Variants in ZBTB44 observed in about 807,000 individuals in gnomAD.
ZBTB44 encodes the protein zinc finger and BTB domain containing 44.
In ZBTB44, 15 loss-of-function variants were observed where a neutral mutation model predicts 54.0. That is an observed-to-expected ratio of 0.28 (90% CI 0.19 to 0.43). ZBTB44 has a LOEUF of 0.43. Among genes scored for constraint, ZBTB44 ranks in the 20% least tolerant of loss-of-function variants. The probability of loss-of-function intolerance (pLI) is 1.00; values close to 1 mark genes in which losing one functional copy is unlikely to be tolerated. For missense variants in ZBTB44, 487 were observed against 707.1 expected (o/e 0.69, Z 3.53); for synonymous variants, 230 against 250.1 (o/e 0.92, Z 0.76).
intron 1 of ZBTB44, among the ~76,000 whole-genome samples, chr11:130,307,138 C>T (rs1000265004): frequency 3.0e-4 from 46 of 151,538 alleles, no homozygotes; most frequent in African/African-American, 9.7e-4. Context: ...TAACATTCTA[C>T]TGTAGCCCGG....
intron 1 of ZBTB44, among the ~76,000 whole-genome samples, chr11:130,293,924 G>C (rs1020661311): frequency 2.0e-5 from 3 of 152,174 alleles, no homozygotes; most frequent in African/African-American, 7.2e-5. Flanking sequence ...AAGTAATGGA[G>C]AGTTATCAAT....
rs138333160 is a variant in ZBTB44, at chr11:130,297,902, A to G, written c.-57+16473T>C. ...GTCACAGATTGTCAGAAGAGATAAA[A>G]GCATTCTCAAATATATGTTTTTTAT... On this transcript the variant is annotated intron_variant, in intron 1 of 7. Transcript: ENST00000357899. 1.3e-3 allele frequency among the ~76,000 whole-genome samples: 200 copies of G among 152,352 alleles called. 1 individual carries two copies. The highest frequency in any genetic ancestry group is 4.6e-3 in the African/African-American group (191 of 41,586).
At chr11:130,295,693 T>C in intron 1 of ZBTB44, 2 of 1,501,538 alleles carry the variant, frequency 1.3e-6, no homozygotes, top group Non-Finnish European at 9.2e-7. Flanking sequence ...AGACCACTTC[T>C]GGAAGGCAGG....
At chr11:130,279,212 T>C (rs1940331056) in intron 1 of ZBTB44, among the ~76,000 whole-genome samples, 1 of 151,866 alleles carries the variant, frequency 6.6e-6, no homozygotes, top group Non-Finnish European at 1.5e-5. Context: ...GAGAGGTACA[T>C]TTTTGGGTAC....
chr11:130,236,171 C>T, intron 5 of ZBTB44: 1 of 1,286,968 alleles, frequency 7.8e-7, no homozygotes, highest in Non-Finnish European at 1.0e-6. Context: ...TAATCAACAG[C>T]AGTTAGTGGC....
intron 2 of ZBTB44, among the ~76,000 whole-genome samples, chr11:130,257,238 TAAAAAAAAAA>T (rs572669481): frequency 9.1e-6 from 1 of 109,342 alleles, no homozygotes; most frequent in Non-Finnish European, 2.0e-5. Flanking sequence ...TCCCAGATCT[TAAAAAAAAAA>T]AAAAAAAAAA....
chr11:130,232,049 CAAGTT>C (rs1243113839), intron 7 of ZBTB44: 1 of 152,136 alleles, frequency 6.6e-6, no homozygotes, highest in African/African-American at 2.4e-5. Context: ...GAGTTGAAAA[CAAGTT>C]AAGGACTGCA....
At chr11:130,280,681 A>C (rs1940435587) in intron 1 of ZBTB44, among the ~76,000 whole-genome samples, 1 of 152,226 alleles carries the variant, frequency 6.6e-6, no homozygotes, top group Non-Finnish European at 1.5e-5. Context: ...CAACACAAAA[A>C]TTGGTAACAG....
At chr11:130,310,265 G>T (rs1490500569) in intron 1 of ZBTB44, 4 of 152,274 alleles carry the variant, frequency 2.6e-5, no homozygotes, top group African/African-American at 9.7e-5. Flanking sequence ...GTTCTGGACT[G>T]TAGTATCCTA....
chr11:130,288,626 G>A (rs1262371365), intron 1 of ZBTB44, among the ~76,000 whole-genome samples: 5 of 151,430 alleles, frequency 3.3e-5, no homozygotes, highest in East Asian at 3.9e-4. Context: ...GGCCTGGTGC[G>A]GTGGCTCATG....
chr11:130,310,259 T>C (rs1942511630), intron 1 of ZBTB44: 1 of 152,300 alleles, frequency 6.6e-6, no homozygotes, highest in East Asian at 1.9e-4. Flanking sequence ...CCAGAAGTTC[T>C]GGACTGTAGT....
intron 2 of ZBTB44, among the ~76,000 whole-genome samples, chr11:130,240,938 C>T (rs1054260192): frequency 6.6e-6 from 1 of 152,118 alleles, no homozygotes; most frequent in Non-Finnish European, 1.5e-5. Context: ...GGAAAGTTTG[C>T]CAAGGCTTGC....
rs117647939 is a variant in ZBTB44 at position 130,280,244 on chromosome 11, C to T, written c.-56-18315G>A. Among the ~76,000 whole-genome samples, 316 of 151,892 alleles carry T rather than the reference C, an allele frequency of 2.1e-3. 9 individuals are homozygous for T. In the East Asian group the frequency reaches 0.048, roughly 23 times the overall value. ...CAACAATGAAAACACAGAGACAGCA[C>T]GAGGAGAAAAAAGAGAAAAACCATG... On this transcript the variant is annotated intron_variant, in intron 1 of 7. Transcript: ENST00000357899.
At chr11:130,251,044 T>C (rs1937955906) in intron 2 of ZBTB44, among the ~76,000 whole-genome samples, 2 of 152,146 alleles carry the variant, frequency 1.3e-5, no homozygotes, top group Admixed American at 6.5e-5. Flanking sequence ...GCTAAGAACC[T>C]TGACAAAAGG....
chr11:130,295,690 T>C, intron 1 of ZBTB44: 1 of 1,494,042 alleles, frequency 6.7e-7, no homozygotes, highest in Non-Finnish European at 9.3e-7. Context: ...ATCAGACCAC[T>C]TCTGGAAGGC....
At chr11:130,307,633 C>T (rs573631680) in intron 1 of ZBTB44, among the ~76,000 whole-genome samples, 23 of 152,194 alleles carry the variant, frequency 1.5e-4, no homozygotes, top group African/African-American at 5.3e-4. Flanking sequence ...TGATAGACCA[C>T]AAATACCACA....
chr11:130,299,497 G>A (rs1941871828), intron 1 of ZBTB44, among the ~76,000 whole-genome samples: 1 of 151,298 alleles, frequency 6.6e-6, no homozygotes, highest in African/African-American at 2.4e-5. Flanking sequence ...AGGTCGCAGT[G>A]AGCCGAGACC....
rs181718750 is a variant in ZBTB44 at position 130,263,737 on chromosome 11, A to G, written c.-56-1808T>C. Among the ~76,000 whole-genome samples, 15 of 152,316 alleles carry G rather than the reference A, an allele frequency of 9.8e-5. No individual in the cohort carries two copies. The East Asian group carries it at 2.3e-3, about 23-fold the overall frequency. On this transcript the variant is annotated intron_variant, in intron 1 of 7. Transcript: ENST00000357899. ...TCAACCTTGAGTTACATCCACCTTC[A>G]GTCATCTTCCGTGTTCAAAGAGTAG...
chr11:130,246,821 C>T (rs1290105502), intron 2 of ZBTB44, among the ~76,000 whole-genome samples: 1 of 152,154 alleles, frequency 6.6e-6, no homozygotes, highest in Non-Finnish European at 1.5e-5. Flanking sequence ...TCCTGGGGAA[C>T]ATAAACAGTC....
Sources: gnomAD v4.1 joint callset for allele counts (sites outside exome capture counted in the v4.1 genomes callset) on GRCh38, gnomAD v4.1.1 for gene constraint, MANE v1.5 for transcripts, NCBI Gene and HGNC (gene_info 2026-07-23, HGNC 2026-07-21) for gene names.